TENM4: variants seen among roughly 807,000 people sequenced by gnomAD.
The protein encoded by TENM4 is teneurin transmembrane protein 4, also known as teneurin-4.
TENM4 carries 82 observed loss-of-function variants against 243.3 expected under a neutral mutation model. The ratio of observed to expected loss-of-function variants is 0.34; its 90% confidence interval spans 0.28 to 0.40. The LOEUF (loss-of-function observed/expected upper bound fraction) is 0.40, where lower values mean the gene tolerates loss of function less well. Among genes scored for constraint, TENM4 ranks in the 10% least tolerant of loss-of-function variants. The pLI is 1.00. For missense variants in TENM4, 3,138 were observed against 3,673.3 expected (o/e 0.85, Z 3.77); for synonymous variants, 1,412 against 1,456.3 (o/e 0.97, Z 0.69).
At chr11:79,130,671 A>C (rs1292755758) in intron 4 of TENM4, among the ~76,000 whole-genome samples, 1 of 152,042 alleles carries the variant, frequency 6.6e-6, no homozygotes, top group African/African-American at 2.4e-5. Flanking sequence ...AAAATACAAA[A>C]AATTAGCTGG....
At chr11:78,853,849 C>T (rs1208894609) in intron 12 of TENM4, among the ~76,000 whole-genome samples, 2 of 152,214 alleles carry the variant, frequency 1.3e-5, no homozygotes, top group Non-Finnish European at 2.9e-5. Context: ...ATTCCACTCC[C>T]ACCTTGAAAT....
chr11:79,156,910 A>G (rs1591320984), intron 3 of TENM4, among the ~76,000 whole-genome samples: 2 of 152,204 alleles, frequency 1.3e-5, no homozygotes, highest in East Asian at 3.9e-4. Flanking sequence ...TTAAAAATAT[A>G]TGACAAAGGC....
chr11:79,371,604 C>A (rs947637160), intron 1 of TENM4, among the ~76,000 whole-genome samples: 8 of 152,132 alleles, frequency 5.3e-5, no homozygotes, highest in African/African-American at 1.9e-4. Flanking sequence ...TCACAACATC[C>A]CAGATCTCTT....
chr11:79,207,695 T>A (rs553147535), intron 3 of TENM4, among the ~76,000 whole-genome samples: 42 of 151,730 alleles, frequency 2.8e-4, no homozygotes, highest in African/African-American at 9.9e-4. Flanking sequence ...TGAAACCCCG[T>A]CTCTACAGAA....
chr11:78,997,113 G>A (rs1291965529), intron 6 of TENM4, among the ~76,000 whole-genome samples: 1 of 152,102 alleles, frequency 6.6e-6, no homozygotes, highest in Non-Finnish European at 1.5e-5. Flanking sequence ...ACCACAGGCT[G>A]CTGAGGCCCA....
chr11:79,409,050 G>A (rs1401928748), intron 1 of TENM4, among the ~76,000 whole-genome samples: 1 of 150,400 alleles, frequency 6.6e-6, no homozygotes, highest in Non-Finnish European at 1.5e-5. Flanking sequence ...TGTTGTCTAT[G>A]AGGGATATTT....
At chr11:79,118,879 C>T (rs1440226321) in intron 4 of TENM4, among the ~76,000 whole-genome samples, 2 of 152,136 alleles carry the variant, frequency 1.3e-5, no homozygotes, top group Admixed American at 6.6e-5. Flanking sequence ...GACATATAGA[C>T]CTCTCTTTGA....
At chr11:78,734,721 C>T (rs564213752) in intron 20 of TENM4, among the ~76,000 whole-genome samples, 1 of 152,290 alleles carries the variant, frequency 6.6e-6, no homozygotes, top group Non-Finnish European at 1.5e-5. Context: ...ATTCCAGCTT[C>T]CTCCCTGGGT....
At chr11:79,400,077 C>T (rs1281026308) in intron 1 of TENM4, among the ~76,000 whole-genome samples, 2 of 147,436 alleles carry the variant, frequency 1.4e-5, no homozygotes, top group Non-Finnish European at 3.0e-5. Flanking sequence ...TTCTAAATAC[C>T]TGGGAGACAC....
intron 3 of TENM4, among the ~76,000 whole-genome samples, chr11:79,179,628 T>C (rs776562602): frequency 6.7e-6 from 1 of 149,866 alleles, no homozygotes; most frequent in African/African-American, 2.4e-5. Flanking sequence ...GGATTGAGAA[T>C]GAGTCATGGA....
intron 4 of TENM4, among the ~76,000 whole-genome samples, chr11:79,109,871 G>A (rs1029330863): frequency 4.5e-4 from 69 of 152,332 alleles, no homozygotes; most frequent in African/African-American, 1.4e-3. Context: ...TCTCTTGGCT[G>A]TGAAATGGGG....
intron 7 of TENM4, among the ~76,000 whole-genome samples, chr11:78,894,886 G>A (rs1855751044): frequency 6.6e-6 from 1 of 151,042 alleles, no homozygotes; most frequent in Non-Finnish European, 1.5e-5. Context: ...ACCAGCTACT[G>A]GGGAGGCTGA....
chr11:78,714,613 A>G (rs1859480739), intron 25 of TENM4, among the ~76,000 whole-genome samples: 1 of 152,160 alleles, frequency 6.6e-6, no homozygotes, highest in Non-Finnish European at 1.5e-5. Flanking sequence ...TAATTCTTAC[A>G]GAGAAGGTAT....
At chr11:79,223,420 G>A (rs893414136) in intron 2 of TENM4, among the ~76,000 whole-genome samples, 5 of 152,076 alleles carry the variant, frequency 3.3e-5, no homozygotes, top group Admixed American at 2.0e-4. Context: ...AAAAGTGCAG[G>A]ACTAACACTA....
intron 17 of TENM4, among the ~76,000 whole-genome samples, chr11:78,774,363 G>A (rs951695665): frequency 3.3e-5 from 5 of 152,086 alleles, no homozygotes; most frequent in South Asian, 2.1e-4. Context: ...TGCCAAAAAC[G>A]GTCAAGACAA....
chr11:78,791,483 C>G lies in TENM4; in HGVS notation c.2180-4400G>C, dbSNP rs115998475. 6.2e-3 allele frequency among the ~76,000 whole-genome samples: 940 copies of G among 152,266 alleles called. 10 individuals carry two copies. Among genetic ancestry groups the G allele is most frequent in the African/African-American group, 0.021 (878 of 41,548 alleles). Reference sequence around the variant, plus strand: ...GTTCCCTTATGTAAAACAGGGATGACGTCAACTACTATACTTTGGAGGACT... The same window carrying G: ...GTTCCCTTATGTAAAACAGGGATGAGGTCAACTACTATACTTTGGAGGACT... On this transcript the variant is annotated intron_variant, in intron 15 of 33. Coordinates refer to ENST00000278550, the MANE Select transcript of TENM4 (RefSeq NM_001098816.3).
At chr11:79,137,336 G>A (rs759044701) in intron 4 of TENM4, among the ~76,000 whole-genome samples, 8 of 152,164 alleles carry the variant, frequency 5.3e-5, no homozygotes, top group Non-Finnish European at 1.0e-4. Flanking sequence ...CGGAGGTAAG[G>A]AAGAGTATGC....
chr11:79,036,121 T>A (rs1859371965), intron 6 of TENM4, among the ~76,000 whole-genome samples: 2 of 152,218 alleles, frequency 1.3e-5, no homozygotes, highest in African/African-American at 4.8e-5. Flanking sequence ...TTGGAGAACT[T>A]GTTAAAAAGC....
chr11:78,820,110 G>C (rs985209392), intron 12 of TENM4, among the ~76,000 whole-genome samples: 2 of 152,216 alleles, frequency 1.3e-5, no homozygotes, highest in African/African-American at 4.8e-5. Context: ...ATGGAAACTA[G>C]ATAGCATAGC....
Sources: gnomAD v4.1 joint callset for allele counts (sites outside exome capture counted in the v4.1 genomes callset) on GRCh38, gnomAD v4.1.1 for gene constraint, MANE v1.5 for transcripts, NCBI Gene and HGNC (gene_info 2026-07-23, HGNC 2026-07-21) for gene names.